Variants in RBPJ observed in about 807,000 individuals in gnomAD.
The protein encoded by RBPJ is recombination signal binding protein for immunoglobulin kappa J region.
In RBPJ, 9 loss-of-function variants were observed where a neutral mutation model predicts 67.8. The observed-to-expected ratio is 0.13, with a 90% CI of 0.08 to 0.23. RBPJ has a LOEUF of 0.23. Ranked by LOEUF, RBPJ falls within the 10% of genes least tolerant of loss-of-function variation. The probability of loss-of-function intolerance (pLI) is 1.00; values close to 1 mark genes in which losing one functional copy is unlikely to be tolerated. For missense variants in RBPJ, 305 were observed against 595.6 expected, an observed-to-expected ratio of 0.51 and a Z score of 5.08; for synonymous variants, 198 against 203.3, an observed-to-expected ratio of 0.97 and a Z score of 0.22.
chr4:26,428,442 A>G (rs1039168056), intron 7 of RBPJ, among the ~76,000 whole-genome samples: 12 of 151,678 alleles, frequency 7.9e-5, no homozygotes, highest in Admixed American at 7.9e-4. Context: ...TTTGAAAAAC[A>G]CTGATCTAGA....
chr4:26,243,132 C>A (rs1719706475), intron 1 of RBPJ, among the ~76,000 whole-genome samples: 1 of 152,030 alleles, frequency 6.6e-6, no homozygotes, highest in African/African-American at 2.4e-5. Flanking sequence ...GAGGCTGAGG[C>A]AGGAAAACAG....
chr4:26,419,193 G>A (rs149357433), intron 4 of RBPJ, among the ~76,000 whole-genome samples: 122 of 152,172 alleles, frequency 8.0e-4, no homozygotes, highest in African/African-American at 2.8e-3. Flanking sequence ...TGCTCAGGCT[G>A]GTCTCAAACT....
At chr4:26,208,640 T>G (rs1318666929) in intron 1 of RBPJ, among the ~76,000 whole-genome samples, 1 of 152,222 alleles carries the variant, frequency 6.6e-6, no homozygotes, top group Non-Finnish European at 1.5e-5. Context: ...TATCCATTGC[T>G]CCTTTGAATT....
chr4:26,178,607 CAAAAAA>C (rs1173498137), intron 1 of RBPJ, among the ~76,000 whole-genome samples: 26 of 58,730 alleles, frequency 4.4e-4, no homozygotes, highest in African/African-American at 1.6e-3. Context: ...GACCCCGTAT[CAAAAAA>C]AAAAAAAAAA....
At chr4:26,140,825 A>G in the RBPJ span, among the ~76,000 whole-genome samples, 1 of 139,388 alleles carries the variant, frequency 7.2e-6, no homozygotes, top group Non-Finnish European at 1.5e-5. Context: ...TGGGACACTG[A>G]CCCTTCCACA....
At chr4:26,364,721 G>C (rs892963978) in intron 1 of RBPJ, among the ~76,000 whole-genome samples, 5 of 150,320 alleles carry the variant, frequency 3.3e-5, no homozygotes, top group African/African-American at 1.2e-4. Context: ...CTACCTCCCG[G>C]TTCAAGCAAT....
chr4:26,373,952 T>G (rs943097290), intron 1 of RBPJ, among the ~76,000 whole-genome samples: 2 of 142,414 alleles, frequency 1.4e-5, no homozygotes, highest in African/African-American at 5.2e-5. Context: ...GGAGTCTTGC[T>G]CTGTCACCCA....
chr4:26,302,266 C>T (rs1039835485), intron 1 of RBPJ, among the ~76,000 whole-genome samples: 4 of 152,218 alleles, frequency 2.6e-5, no homozygotes, highest in African/African-American at 9.6e-5. Flanking sequence ...AGAAGAGGAA[C>T]TTCTCTGAAT....
chr4:26,217,385 C>A (rs191767321), intron 1 of RBPJ, among the ~76,000 whole-genome samples: 2 of 152,124 alleles, frequency 1.3e-5, no homozygotes, highest in Admixed American at 1.3e-4. Flanking sequence ...CATTGAAGAG[C>A]AGCACCAGTG....
intron 1 of RBPJ, among the ~76,000 whole-genome samples, chr4:26,237,488 G>A (rs1482759952): frequency 6.6e-6 from 1 of 152,092 alleles, no homozygotes; most frequent in Admixed American, 6.5e-5. Context: ...AAAATTAGAA[G>A]GAAAATGTTT....
chr4:26,389,185 C>T (rs1213379261), intron 2 of RBPJ, among the ~76,000 whole-genome samples: 3 of 151,570 alleles, frequency 2.0e-5, no homozygotes, highest in Admixed American at 2.0e-4. Flanking sequence ...GCTGAGATCA[C>T]ACCACTGCAC....
chr4:26,236,079 C>T (rs1719440885), intron 1 of RBPJ, among the ~76,000 whole-genome samples: 1 of 152,178 alleles, frequency 6.6e-6, no homozygotes, highest in Non-Finnish European at 1.5e-5. Flanking sequence ...ATTATCACAT[C>T]AGCACACTGA....
rs555503955 is a variant in RBPJ at position 26,198,023 on chromosome 4, C to T, written c.-167+34409C>T. Among the ~76,000 whole-genome samples, 61 of 151,994 alleles carry T rather than the reference C, an allele frequency of 4.0e-4. No individual in the cohort carries two copies. In the South Asian group the frequency reaches 5.8e-3, roughly 15 times the overall value. On this transcript the variant is annotated intron_variant, in intron 1 of 4. Transcript: ENST00000512351. The stretch of plus-strand genomic sequence containing the variant: ...CTGTAATCCCAGCACTTTGGGAGGC[C>T]GAGGGGGGTGGATCACCTGAGGTCA...
intron 1 of RBPJ, among the ~76,000 whole-genome samples, chr4:26,341,913 A>T (rs1049471800): frequency 3.3e-5 from 5 of 152,230 alleles, no homozygotes; most frequent in African/African-American, 4.8e-5. Flanking sequence ...AAGAGAGAAG[A>T]AAGTGTAGCT....
At chr4:26,204,892 A>C (rs73245728) in intron 1 of RBPJ, among the ~76,000 whole-genome samples, 7,071 of 152,296 alleles carry the variant, frequency 0.046, 233 homozygotes, top group Non-Finnish European at 0.062. Context: ...GAGTTGGGCT[A>C]AATATAGTCT....
chr4:26,244,843 A>C (rs1019740388), intron 1 of RBPJ, among the ~76,000 whole-genome samples: 25 of 152,274 alleles, frequency 1.6e-4, no homozygotes, highest in South Asian at 2.1e-4. Flanking sequence ...CATGTTGGCC[A>C]GGCTGATCTC....
At chr4:26,300,591 C>G (rs925564367) in intron 1 of RBPJ, among the ~76,000 whole-genome samples, 4 of 152,210 alleles carry the variant, frequency 2.6e-5, no homozygotes, top group African/African-American at 9.6e-5. Flanking sequence ...AAGTCCGCCT[C>G]CCTCCCTCTC....
At chr4:26,265,522 GAA>G (rs974558175) in intron 1 of RBPJ, among the ~76,000 whole-genome samples, 1 of 136,100 alleles carries the variant, frequency 7.3e-6, no homozygotes, top group Admixed American at 7.4e-5. Context: ...CTCAAAAAAA[GAA>G]AAAAAAAAAA....
chr4:26,165,912 T>C (rs1462151496), intron 1 of RBPJ, among the ~76,000 whole-genome samples: 1 of 139,326 alleles, frequency 7.2e-6, no homozygotes, highest in Non-Finnish European at 1.5e-5. Context: ...TTCCCCTTCC[T>C]GTGTCCATGT....
Sources: allele counts gnomAD v4.1 joint callset (sites outside exome capture counted in the v4.1 genomes callset), GRCh38; gene constraint gnomAD v4.1.1; transcripts MANE v1.5; gene names NCBI Gene and HGNC (gene_info 2026-07-23, HGNC 2026-07-21).